Variants in GPM6A observed in about 807,000 individuals in gnomAD.
GPM6A encodes the protein neuronal membrane glycoprotein M6-a.
A neutral mutation model predicts 32.1 loss-of-function variants in GPM6A; 7 were observed. The ratio of observed to expected loss-of-function variants is 0.22; its 90% CI spans 0.12 to 0.41. The LOEUF is 0.41. Ranked by LOEUF, GPM6A falls within the 10% of genes least tolerant of loss-of-function variation. The pLI is 1.00. For synonymous variants in GPM6A, 130 were observed against 123.4 expected, an observed-to-expected ratio of 1.05 and a Z score of -0.35; for missense variants, 235 against 347.2, an observed-to-expected ratio of 0.68 and a Z score of 2.57.
At chr4:175,729,938 A>T (rs1271510386) in intron 1 of GPM6A, among the ~76,000 whole-genome samples, 1 of 145,404 alleles carries the variant, frequency 6.9e-6, no homozygotes, top group Non-Finnish European at 1.5e-5. Context: ...ATAAATTTAA[A>T]TAATAAATTT....
chr4:175,779,754 C>CA (rs1422302702), intron 1 of GPM6A, among the ~76,000 whole-genome samples: 1 of 152,142 alleles, frequency 6.6e-6, no homozygotes, highest in East Asian at 1.9e-4. Context: ...CAGATACACC[C>CA]ACCTGTTGGT....
chr4:175,889,518 C>CAAAAAAAAAA (rs35210127), intron 1 of GPM6A, among the ~76,000 whole-genome samples: 127 of 137,030 alleles, frequency 9.3e-4, no homozygotes, highest in African/African-American at 3.4e-3. Context: ...ACCCTGTCTC[C>CAAAAAAAAAA]AAAAAAAAAA....
chr4:175,838,224 T>C lies in GPM6A; in HGVS notation c.-22-25975A>G, dbSNP rs565810385. ...ATTGAGAGAAAGAAAGTAAAGCACTTCTTGATCTATTCATGAGAATTTTAC... is the reference window on the plus strand; with the variant it reads ...ATTGAGAGAAAGAAAGTAAAGCACTCCTTGATCTATTCATGAGAATTTTAC... On this transcript the variant is annotated intron_variant, in intron 1 of 7. Transcript: ENST00000280187. Among the ~76,000 whole-genome samples, 43 of 151,272 alleles carry C rather than the reference T, an allele frequency of 2.8e-4. 2 individuals carry two copies. Among genetic ancestry groups the C allele is most frequent in the Non-Finnish European group, 2.5e-4 (17 of 67,802 alleles).
At chr4:175,854,679 G>C (rs559403637) in intron 1 of GPM6A, among the ~76,000 whole-genome samples, 75 of 152,312 alleles carry the variant, frequency 4.9e-4, no homozygotes, top group African/African-American at 1.6e-3. Flanking sequence ...GCTGAACTCC[G>C]TGAGTTGAAA....
chr4:175,807,763 G>A (rs7664633), intron 1 of GPM6A: 73,511 of 151,956 alleles, frequency 0.48, 18,171 homozygotes, highest in Non-Finnish European at 0.53. Flanking sequence ...GGAAGCATGT[G>A]GGGGAGGCAG....
rs532056543 is a variant in GPM6A, at chr4:175,909,148, C to T, written c.-23+93161G>A. Among the ~76,000 whole-genome samples, 16 of 148,804 alleles carry T rather than the reference C, an allele frequency of 1.1e-4. No individual in the cohort carries two copies. In the South Asian group the frequency reaches 3.4e-3, roughly 32 times the overall value. Reference sequence around the variant, plus strand: ...CTGTTAATACAAGTTCTTTTATTATCGGGAAAGATAGGTCAGAAAATATCA... The same window carrying T: ...CTGTTAATACAAGTTCTTTTATTATTGGGAAAGATAGGTCAGAAAATATCA... On this transcript the variant is annotated intron_variant, in intron 1 of 7. Transcript: ENST00000280187.
In GPM6A at chr4:175,635,679, T is replaced by A. The variant is rs143121478; in HGVS notation, c.685-622A>T. On this transcript the variant is annotated intron_variant, in intron 6 of 6. Coordinates refer to ENST00000393658, the MANE Select transcript of GPM6A (RefSeq NM_201591.3). ...CCATGTTCAAAAAGGAAGCTCCTGG[T>A]TTGTCTTGAGTAATGAAGTTGCTGG... Among the ~76,000 whole-genome samples the A allele has an allele frequency of 1.1e-3, 167 of 152,280 alleles. 3 individuals carry two copies. In the East Asian group the frequency reaches 0.028, roughly 25 times the overall value.
At chr4:175,678,024 T>C (rs1443231575) in intron 2 of GPM6A, among the ~76,000 whole-genome samples, 1 of 152,198 alleles carries the variant, frequency 6.6e-6, no homozygotes, top group Non-Finnish European at 1.5e-5. Flanking sequence ...GTATTTTATA[T>C]ATATGGAAAA....
intron 1 of GPM6A, among the ~76,000 whole-genome samples, chr4:175,845,679 A>C (rs1418222973): frequency 6.6e-6 from 1 of 151,974 alleles, no homozygotes; most frequent in Non-Finnish European, 1.5e-5. Context: ...TTTCTGCAAT[A>C]ATTTGTAGCT....
intron 2 of GPM6A, among the ~76,000 whole-genome samples, chr4:175,674,887 C>T (rs189785879): frequency 1.3e-5 from 2 of 151,180 alleles, no homozygotes; most frequent in African/African-American, 4.9e-5. Context: ...AATTGATTAC[C>T]CAGTTTTGCT....
chr4:175,976,328 A>ATTTTTTTTTTTTTTTTTT (rs34163669), intron 1 of GPM6A, among the ~76,000 whole-genome samples: 63 of 137,316 alleles, frequency 4.6e-4, no homozygotes, highest in African/African-American at 1.7e-3. Flanking sequence ...CGCCTGGCTA[A>ATTTTTTTTTTTTTTTTTT]TTTTTTTTTT....
chr4:175,708,367 A>ATTTATTTC (rs1745329358), intron 1 of GPM6A, among the ~76,000 whole-genome samples: 1 of 123,758 alleles, frequency 8.1e-6, no homozygotes, highest in South Asian at 2.9e-4. Context: ...GGTTTATTTT[A>ATTTATTTC]TTTATTTATT....
chr4:175,718,943 T>C (rs1333043932), intron 1 of GPM6A, among the ~76,000 whole-genome samples: 2 of 152,120 alleles, frequency 1.3e-5, no homozygotes, highest in Non-Finnish European at 2.9e-5. Flanking sequence ...AAATTAGAAA[T>C]TAAAAAATTC....
intron 2 of GPM6A, among the ~76,000 whole-genome samples, chr4:175,684,078 C>T (rs1291704604): frequency 6.6e-6 from 1 of 152,112 alleles, no homozygotes; most frequent in Non-Finnish European, 1.5e-5. Context: ...ATCCACCTGC[C>T]TCTGCCTCCC....
chr4:175,958,947 T>C (rs1303030693), intron 1 of GPM6A, among the ~76,000 whole-genome samples: 1 of 152,174 alleles, frequency 6.6e-6, no homozygotes, highest in Admixed American at 6.5e-5. Flanking sequence ...AAAAAATGAA[T>C]GAAGAACATA....
intron 1 of GPM6A, among the ~76,000 whole-genome samples, chr4:175,931,363 C>T (rs141939753): frequency 7.6e-4 from 116 of 152,190 alleles, no homozygotes; most frequent in African/African-American, 2.6e-3. Flanking sequence ...TTTTCTAAAA[C>T]ACTTTTTGAC....
intron 1 of GPM6A, among the ~76,000 whole-genome samples, chr4:175,858,569 T>C (rs1251734025): frequency 6.7e-6 from 1 of 150,372 alleles, no homozygotes; most frequent in Non-Finnish European, 1.5e-5. Flanking sequence ...AAGGTGAACA[T>C]AACCAAGTGC....
intron 1 of GPM6A, among the ~76,000 whole-genome samples, chr4:175,988,392 A>C (rs1475442256): frequency 6.6e-6 from 1 of 152,238 alleles, no homozygotes; most frequent in African/African-American, 2.4e-5. Context: ...AACATTAGAC[A>C]AGAATGCTTA....
At chr4:175,734,916 T>C (rs961659424) in intron 1 of GPM6A, among the ~76,000 whole-genome samples, 1 of 152,192 alleles carries the variant, frequency 6.6e-6, no homozygotes, top group Non-Finnish European at 1.5e-5. Flanking sequence ...AGCCCTTTTA[T>C]ACCCTTGAGA....
Sources: allele counts gnomAD v4.1 joint callset (sites outside exome capture counted in the v4.1 genomes callset), GRCh38; gene constraint gnomAD v4.1.1; transcripts MANE v1.5; gene names NCBI Gene and HGNC (gene_info 2026-07-23, HGNC 2026-07-21).